The following SLC4A5 variants were observed in gnomAD, a reference collection of about 807,000 sequenced individuals.
SLC4A5 encodes the protein electrogenic sodium bicarbonate cotransporter 4.
Under a neutral mutation model 120.4 loss-of-function variants are expected in SLC4A5, and 96 were observed. The observed-to-expected ratio is 0.80, with a 90% CI of 0.68 to 0.94. The LOEUF (loss-of-function observed/expected upper bound fraction) is 0.94. Among genes scored for constraint, SLC4A5 ranks in the 40% least tolerant of loss-of-function variants. SLC4A5 has a pLI of 0.00. For missense variants in SLC4A5, 1,259 were observed against 1,459.5 expected, an observed-to-expected ratio of 0.86 and a Z score of 2.24; for synonymous variants, 550 against 571.1, an observed-to-expected ratio of 0.96 and a Z score of 0.53.
chr2:74,274,499 A>G (rs1390664319), intron 8 of SLC4A5, among the ~76,000 whole-genome samples: 2 of 152,238 alleles, frequency 1.3e-5, no homozygotes, highest in African/African-American at 4.8e-5. Flanking sequence ...GAAAGATTAT[A>G]AAGTATAAAA....
At chr2:74,242,125 C>A in intron 19 of SLC4A5, 73 bp from the exon 20 acceptor site, 1 of 1,393,040 alleles carries the variant, frequency 7.2e-7, no homozygotes, top group Non-Finnish European at 1.0e-6. Context: ...AACCCCTTCC[C>A]ATCTCCTTCC....
intron 23 of SLC4A5, 47 bp downstream of exon 23, chr2:74,233,353 CTT>C (rs1670158248): frequency 1.2e-6 from 2 of 1,607,662 alleles, no homozygotes; most frequent in Admixed American, 1.7e-5. Flanking sequence ...CTCTTTCTGA[CTT>C]TGTGGGAAGA....
intron 6 of SLC4A5, among the ~76,000 whole-genome samples, chr2:74,313,330 A>C (rs762372053): frequency 6.6e-6 from 1 of 152,138 alleles, no homozygotes; most frequent in Non-Finnish European, 1.5e-5. Context: ...CTTTCAAATA[A>C]CGCTATACTG....
intron 6 of SLC4A5, among the ~76,000 whole-genome samples, chr2:74,312,991 C>A (rs1397395439): frequency 1.4e-5 from 2 of 143,154 alleles, no homozygotes; most frequent in Admixed American, 7.1e-5. Context: ...ATGTTTACAA[C>A]AATTTTGTGT....
Position 74,264,316 on chromosome 2 carries a change from C to G in SLC4A5, c.563-17G>C, listed in dbSNP as rs1309145616. The stretch of plus-strand genomic sequence containing the variant: ...TGACATCATCTGTGTGGAAAACATA[C>G]ACACCTCATCCCTGTGGGACAGAAC... On this transcript the variant is annotated splice_polypyrimidine_tract_variant and intron_variant, in intron 9 of 30. Transcript: ENST00000394019. The G allele has an allele frequency of 6.2e-7, 1 of 1,610,646 alleles. No individual in the cohort carries two copies. Among genetic ancestry groups the G allele is most frequent in the Admixed American group, 1.7e-5 (1 of 59,728 alleles).
chr2:74,287,302 T>C (rs938809899), intron 7 of SLC4A5, among the ~76,000 whole-genome samples: 1 of 152,152 alleles, frequency 6.6e-6, no homozygotes, highest in African/African-American at 2.4e-5. Flanking sequence ...GTCTGAGGGC[T>C]TGGGCTGGGG....
intron 7 of SLC4A5, among the ~76,000 whole-genome samples, chr2:74,300,736 G>A (rs1174490480): frequency 1.3e-5 from 2 of 152,130 alleles, no homozygotes; most frequent in African/African-American, 4.8e-5. Flanking sequence ...GTCATCTCCA[G>A]GTGCAAGATA....
At chr2:74,339,726 TCAAA>T (rs1673582004) in intron 2 of SLC4A5, 1 of 152,218 alleles carries the variant, frequency 6.6e-6, no homozygotes, top group Non-Finnish European at 1.5e-5. Flanking sequence ...AAACCAGGAT[TCAAA>T]CAGATAGTTA....
intron 8 of SLC4A5, among the ~76,000 whole-genome samples, chr2:74,284,035 A>C (rs1671897862): frequency 6.6e-6 from 1 of 151,760 alleles, no homozygotes; most frequent in African/African-American, 2.4e-5. Context: ...TTTTGTAGAG[A>C]CGAGGTCTTC....
chr2:74,336,275 C>T (rs149621071), intron 3 of SLC4A5, among the ~76,000 whole-genome samples: 266 of 152,176 alleles, frequency 1.7e-3, no homozygotes, highest in Non-Finnish European at 2.7e-3. Flanking sequence ...CAATATGTTG[C>T]CCAGGCTGGT....
intron 19 of SLC4A5, among the ~76,000 whole-genome samples, chr2:74,243,169 A>T (rs1298359294): frequency 6.6e-6 from 1 of 152,122 alleles, no homozygotes. Context: ...CTGCATGTGG[A>T]TCACATGACG....
intron 5 of SLC4A5, 107 bp from the exon 6 acceptor site, chr2:74,315,132 T>C (rs937510102): frequency 4.2e-6 from 4 of 956,324 alleles, no homozygotes; most frequent in Non-Finnish European, 6.7e-6. Flanking sequence ...TTAATACAGA[T>C]AAAAAACTAA....
At chr2:74,336,134 C>CACT (rs1333534435) in intron 3 of SLC4A5, among the ~76,000 whole-genome samples, 1 of 152,214 alleles carries the variant, frequency 6.6e-6, no homozygotes, top group Non-Finnish European at 1.5e-5. Context: ...GTGGCACTAT[C>CACT]ACAGCTCACT....
At chr2:74,307,370 GT>G (rs772124305) in intron 6 of SLC4A5, 8 of 618,166 alleles carry the variant, frequency 1.3e-5, no homozygotes, top group Middle Eastern at 4.7e-4. Flanking sequence ...CCTCTTCGTG[GT>G]TCTTCTTCAT....
intron 3 of SLC4A5, among the ~76,000 whole-genome samples, chr2:74,336,567 G>A (rs1411604671): frequency 1.3e-5 from 2 of 152,144 alleles, no homozygotes; most frequent in African/African-American, 4.8e-5. Flanking sequence ...TGCTTGGCAA[G>A]TAGAAGCACT....
intron 8 of SLC4A5, among the ~76,000 whole-genome samples, chr2:74,284,565 G>A (rs1360969891): frequency 6.6e-6 from 1 of 152,150 alleles, no homozygotes; most frequent in Non-Finnish European, 1.5e-5. Flanking sequence ...TGGGGGCAGA[G>A]TGGCATCATG....
chr2:74,228,857 T>G (rs796249450), intron 25 of SLC4A5, among the ~76,000 whole-genome samples: 10 of 152,234 alleles, frequency 6.6e-5, no homozygotes, highest in African/African-American at 2.4e-4. Flanking sequence ...ATAGAATTCA[T>G]CCCACTCTAC....
At position 74,336,156 on chromosome 2, in the gene SLC4A5, C is replaced by T. The variant is rs190157621; in HGVS notation, c.-220-1979G>A. 4.6e-5 allele frequency among the ~76,000 whole-genome samples: 7 copies of T among 152,318 alleles called. No homozygotes were observed. The East Asian group carries it at 7.7e-4, about 17-fold the overall frequency. Reference sequence around the variant, plus strand: ...TATCACAGCTCACTACAGCCTTGACCTCCCAGGCTCAAGCGATTCTCCTGC... The same window carrying T: ...TATCACAGCTCACTACAGCCTTGACTTCCCAGGCTCAAGCGATTCTCCTGC... On this transcript the variant is annotated intron_variant, in intron 3 of 30. Coordinates refer to ENST00000394019, the Ensembl canonical transcript of SLC4A5.
intron 8 of SLC4A5, among the ~76,000 whole-genome samples, chr2:74,278,368 C>T (rs1042012666): frequency 5.3e-5 from 8 of 152,196 alleles, no homozygotes; most frequent in East Asian, 1.9e-4. Context: ...GGGTCAACCG[C>T]GTGATGGCCT....
Sources: gnomAD v4.1 joint callset for allele counts (sites outside exome capture counted in the v4.1 genomes callset) on GRCh38, gnomAD v4.1.1 for gene constraint, MANE v1.5 for transcripts, NCBI Gene and HGNC (gene_info 2026-07-23, HGNC 2026-07-21) for gene names.